The following CNTNAP2 variants were observed in gnomAD, a reference collection of about 807,000 sequenced individuals.
CNTNAP2 encodes contactin-associated protein-like 2.
A neutral mutation model predicts 155.2 loss-of-function variants in CNTNAP2; 98 were observed. The ratio of observed to expected loss-of-function variants is 0.63; its 90% CI spans 0.54 to 0.75. CNTNAP2 has a LOEUF of 0.75. Ranked by LOEUF, CNTNAP2 falls within the 30% of genes least tolerant of loss-of-function variation. The pLI, the probability that CNTNAP2 is intolerant of heterozygous loss-of-function variation, is 0.00. For synonymous variants in CNTNAP2, 651 were observed against 631.2 expected, an observed-to-expected ratio of 1.03 and a Z score of -0.47; for missense variants, 1,727 against 1,688.1, an observed-to-expected ratio of 1.02 and a Z score of -0.40.
chr7:147,770,040 A>ATG (rs369787864), intron 13 of CNTNAP2, among the ~76,000 whole-genome samples: 5 of 151,960 alleles, frequency 3.3e-5, no homozygotes, highest in African/African-American at 4.8e-5. Flanking sequence ...CATTGTCCTT[A>ATG]TGTGTGTGTG....
At chr7:147,665,857 TAGTC>T (rs1054148705) in intron 13 of CNTNAP2, among the ~76,000 whole-genome samples, 3 of 152,316 alleles carry the variant, frequency 2.0e-5, no homozygotes, top group Admixed American at 2.0e-4. Flanking sequence ...ACATTTTCCT[TAGTC>T]AGTCTATTAT....
At position 146,116,831 on chromosome 7, in the gene CNTNAP2, A is replaced by T. The variant is rs796052368; in HGVS notation, c.-46A>T. The stretch of plus-strand genomic sequence containing the variant: ...AGAACCCTACGGAGAGTCGGACTGC[A>T]TCTCCGCAGCGAGCTCTTGGAGCGC... On this transcript the variant is annotated 5_prime_UTR_variant, in exon 1 of 24. Transcript: ENST00000361727. This position sits in a 1 kb window ranked among gnomAD's most constrained non-coding sequence, Gnocchi z 5.5. 6.9e-6 allele frequency: 10 copies of T among 1,459,274 alleles called. No homozygotes were observed. Among genetic ancestry groups the T allele is most frequent in the African/African-American group, 4.2e-5 (3 of 71,250 alleles). 90.4% of individuals were successfully genotyped at this position (1,459,274 alleles called of 1,614,324 possible).
intron 13 of CNTNAP2, among the ~76,000 whole-genome samples, chr7:147,880,935 A>C: frequency 6.6e-6 from 1 of 150,972 alleles, no homozygotes. Context: ...AGTGGGAGGA[A>C]TCCTAAGAGA....
intron 15 of CNTNAP2, among the ~76,000 whole-genome samples, chr7:148,049,951 T>C (rs1802854684): frequency 2.0e-5 from 3 of 152,078 alleles, no homozygotes; most frequent in Admixed American, 2.0e-4. Flanking sequence ...TCACCTGAGG[T>C]CAGGAGGTTG....
intron 1 of CNTNAP2, among the ~76,000 whole-genome samples, chr7:146,140,200 C>T (rs971685965): frequency 1.3e-5 from 2 of 151,990 alleles, no homozygotes; most frequent in Non-Finnish European, 2.9e-5. Context: ...CTACAGCAGA[C>T]GACTTATAAA....
intron 3 of CNTNAP2, among the ~76,000 whole-genome samples, chr7:146,985,381 A>G (rs1798097598): frequency 1.4e-5 from 2 of 142,732 alleles, no homozygotes; most frequent in African/African-American, 2.7e-5. Context: ...GCAGTGGTGC[A>G]GTCTCGGCTC....
intron 8 of CNTNAP2, among the ~76,000 whole-genome samples, chr7:147,236,326 T>G (rs1180102598): frequency 2.6e-5 from 4 of 152,206 alleles, no homozygotes; most frequent in Non-Finnish European, 4.4e-5. Context: ...TCTCTGATTT[T>G]CCATGCCTGG....
chr7:147,925,407 C>T (rs1316912114), intron 14 of CNTNAP2, among the ~76,000 whole-genome samples: 2 of 152,052 alleles, frequency 1.3e-5, no homozygotes, highest in East Asian at 3.9e-4. Flanking sequence ...ACATTATCAT[C>T]CAAAGTCCAT....
At chr7:146,459,092 C>T (rs998885148) in intron 1 of CNTNAP2, among the ~76,000 whole-genome samples, 1 of 152,154 alleles carries the variant, frequency 6.6e-6, no homozygotes, top group South Asian at 2.1e-4. Flanking sequence ...ATGTAACTCA[C>T]AGATTCCCCT....
At chr7:147,406,004 TG>T (rs1796999212) in intron 10 of CNTNAP2, among the ~76,000 whole-genome samples, 1 of 152,202 alleles carries the variant, frequency 6.6e-6, no homozygotes, top group Admixed American at 6.5e-5. Context: ...GGTGACATAA[TG>T]TAGGTTTTCA....
At chr7:146,774,169 A>G (rs1802345989) in intron 1 of CNTNAP2, 102 bp from the exon 2 acceptor site, 2 of 821,848 alleles carry the variant, frequency 2.4e-6, no homozygotes, top group East Asian at 5.4e-5. Flanking sequence ...AAAGATACAT[A>G]AAAGACATAT....
chr7:146,827,095 T>A (rs1585110221), intron 2 of CNTNAP2, among the ~76,000 whole-genome samples: 1 of 151,976 alleles, frequency 6.6e-6, no homozygotes, highest in East Asian at 1.9e-4. Flanking sequence ...GAATTTTCCC[T>A]CCTGTTTCAG....
chr7:147,086,290 A>G (rs534434206), intron 4 of CNTNAP2, among the ~76,000 whole-genome samples: 49 of 152,314 alleles, frequency 3.2e-4, no homozygotes, highest in Non-Finnish European at 6.5e-4. Flanking sequence ...AAACAAAAAT[A>G]TGAAACAAAG....
At chr7:148,050,898 G>C (rs1437448565) in intron 15 of CNTNAP2, among the ~76,000 whole-genome samples, 1 of 152,160 alleles carries the variant, frequency 6.6e-6, no homozygotes, top group Non-Finnish European at 1.5e-5. Flanking sequence ...TAGCCTGGGA[G>C]CAACGGGCCA....
chr7:147,469,031 C>T lies in CNTNAP2; in HGVS notation c.1671-16904C>T, dbSNP rs146133973. ...AGAGATGGGGTTTCACCATGTTGGA[C>T]AGATTGGTCTTGAACTCCCAGGCTC... On this transcript the variant is annotated intron_variant, in intron 10 of 23. Coordinates refer to ENST00000361727, the MANE Select transcript of CNTNAP2 (RefSeq NM_014141.6). Among the ~76,000 whole-genome samples the T allele has an allele frequency of 7.8e-4, 119 of 152,174 alleles. No homozygotes were observed. In the Middle Eastern group the frequency reaches 0.01, roughly 13 times the overall value.
At chr7:148,186,379 C>T (rs1795114737) in intron 18 of CNTNAP2, among the ~76,000 whole-genome samples, 1 of 152,152 alleles carries the variant, frequency 6.6e-6, no homozygotes, top group South Asian at 2.1e-4. Flanking sequence ...AATCACATTG[C>T]TAGTAAATGG....
intron 1 of CNTNAP2, among the ~76,000 whole-genome samples, chr7:146,554,574 T>C (rs1175505947): frequency 1.3e-5 from 2 of 152,246 alleles, no homozygotes; most frequent in Non-Finnish European, 2.9e-5. Flanking sequence ...TTTGTTGTGT[T>C]ATATTGTACA....
chr7:146,663,006 A>G (rs1800119086), intron 1 of CNTNAP2, among the ~76,000 whole-genome samples: 1 of 152,100 alleles, frequency 6.6e-6, no homozygotes, highest in Non-Finnish European at 1.5e-5. Context: ...AGCCGGGTGC[A>G]GTGGCTTATG....
chr7:146,172,119 T>G (rs141835268), intron 1 of CNTNAP2, among the ~76,000 whole-genome samples: 147 of 150,130 alleles, frequency 9.8e-4, no homozygotes, highest in Middle Eastern at 3.4e-3. Flanking sequence ...TACCAGTTCG[T>G]GTTATTTCTT....
Sources: gnomAD v4.1 joint callset for allele counts (sites outside exome capture counted in the v4.1 genomes callset) on GRCh38, gnomAD v4.1.1 for gene constraint, Gnocchi (gnomAD v3.1) non-coding constraint, MANE v1.5 for transcripts, NCBI Gene and HGNC (gene_info 2026-07-23, HGNC 2026-07-21) for gene names.